Variants in WDR7 observed in about 807,000 individuals in gnomAD.
WDR7 encodes WD repeat-containing protein 7.
A neutral mutation model predicts 169.4 loss-of-function variants in WDR7; 46 were observed. The ratio of observed to expected loss-of-function variants is 0.27; its 90% CI spans 0.21 to 0.35. The LOEUF (loss-of-function observed/expected upper bound fraction) is 0.35. Among genes scored for constraint, WDR7 ranks in the 10% least tolerant of loss-of-function variants. The pLI is 1.00. For missense variants in WDR7, 1,534 were observed against 1,859.3 expected (o/e 0.83, Z 3.22); for synonymous variants, 612 against 666.8 (o/e 0.92, Z 1.27).
In WDR7 at chr18:56,736,755, A is replaced by T. The variant is rs540256526; in HGVS notation, c.1989+5158A>T. On this transcript the variant is annotated intron_variant, in intron 14 of 27. Coordinates refer to ENST00000254442, the MANE Select transcript of WDR7 (RefSeq NM_015285.3). ...ACAGTGAGCTGAGTATAAGAAGTGG[A>T]GGTAAAGAGTGTGGAAGAAATTAGC... Among the ~76,000 whole-genome samples, 12 of 152,116 alleles carry T rather than the reference A, an allele frequency of 7.9e-5. No individual in the cohort carries two copies. In the South Asian group the frequency reaches 1.9e-3, roughly 24 times the overall value.
rs550329177 is a variant in WDR7, at chr18:56,716,529, A to G, written c.1579-1435A>G. 1.5e-3 allele frequency among the ~76,000 whole-genome samples: 229 copies of G among 152,344 alleles called. 1 individual carries two copies. Among genetic ancestry groups the G allele is most frequent in the African/African-American group, 5.3e-3 (222 of 41,580 alleles). ...CAAACATTGATTTTAGGTTGTTTAC[A>G]AAAGTAAACATTATGCTAGTAAGAT... On this transcript the variant is annotated intron_variant, in intron 12 of 27. Coordinates refer to ENST00000254442, the MANE Select transcript of WDR7 (RefSeq NM_015285.3).
intron 14 of WDR7, among the ~76,000 whole-genome samples, chr18:56,734,096 C>A (rs1271241419): frequency 6.6e-6 from 1 of 152,126 alleles, no homozygotes; most frequent in Non-Finnish European, 1.5e-5. Context: ...GTGGAGCATT[C>A]ATTAGTAACT....
chr18:56,737,643 G>T (rs908004018), intron 14 of WDR7, among the ~76,000 whole-genome samples: 2 of 152,184 alleles, frequency 1.3e-5, no homozygotes, highest in Admixed American at 6.5e-5. Context: ...CGAGGCAAGA[G>T]AATGGAATTT....
Position 56,718,018 on chromosome 18 carries a change from C to G in WDR7, c.1633C>G (p.Leu545Val). ...SVASDHSVGLLSLREKKCIML... is the reference protein window; with the variant it reads ...SVASDHSVGLVSLREKKCIML... ...AGCCAGTGACCACTCAGTAGGACTTCTAAGTTTGCGAGAGAAAAAATGCAT... is the reference window on the plus strand; with the variant it reads ...AGCCAGTGACCACTCAGTAGGACTTGTAAGTTTGCGAGAGAAAAAATGCAT... The change falls in exon 13 of 28, where the codon CTA (leucine) becomes GTA (valine). Residue 545 changes from leucine to valine, a missense_variant. By Grantham distance (32) the Leu-to-Val change is conservative (BLOSUM62 1). Transcript: ENST00000254442. 6.2e-7 allele frequency: 1 copy of G among 1,614,102 alleles called. No individual in the cohort carries two copies. The highest frequency in any genetic ancestry group is 1.1e-5 in the South Asian group (1 of 91,084).
chr18:56,705,896 G>T (rs2025940548), intron 12 of WDR7, among the ~76,000 whole-genome samples: 1 of 152,164 alleles, frequency 6.6e-6, no homozygotes, highest in African/African-American at 2.4e-5. Context: ...TACTCGGGAG[G>T]CTGAGGCAGG....
intron 20 of WDR7, among the ~76,000 whole-genome samples, chr18:56,860,643 G>C (rs536997818): frequency 1.3e-5 from 2 of 152,238 alleles, no homozygotes; most frequent in East Asian, 3.9e-4. Flanking sequence ...TGCAGTTTAG[G>C]AATATAATAA....
At chr18:56,763,473 T>C (rs2044012698) in intron 16 of WDR7, among the ~76,000 whole-genome samples, 1 of 152,252 alleles carries the variant, frequency 6.6e-6, no homozygotes, top group African/African-American at 2.4e-5. Flanking sequence ...ACCAATTTTA[T>C]AGTTTGTTAG....
Position 57,028,968 on chromosome 18 carries a change from A to G in WDR7, c.*1761A>G, listed in dbSNP as rs2048407884. 6.5e-6 allele frequency: 1 copy of G among 152,682 alleles called. No homozygotes were observed. Among genetic ancestry groups the G allele is most frequent in the Non-Finnish European group, 1.5e-5 (1 of 68,060 alleles). The allele number at this position is 152,682 out of a possible 1,614,324, so 9.5% of individuals were successfully genotyped here. On this transcript the variant is annotated 3_prime_UTR_variant, in exon 28 of 28. Transcript: ENST00000254442. The stretch of plus-strand genomic sequence containing the variant: ...TGGTGAACGTGCTGTTGTGTTTGGC[A>G]TAGCTAGAGAAATGTAAGGTAAAAG...
intron 16 of WDR7, among the ~76,000 whole-genome samples, chr18:56,771,524 C>G (rs1422273409): frequency 6.6e-6 from 1 of 151,318 alleles, no homozygotes; most frequent in Non-Finnish European, 1.5e-5. Flanking sequence ...GAGTTTGAGA[C>G]CAGCCTGGGT....
intron 19 of WDR7, among the ~76,000 whole-genome samples, chr18:56,786,659 A>G (rs548378332): frequency 6.6e-6 from 1 of 152,240 alleles, no homozygotes; most frequent in South Asian, 2.1e-4. Flanking sequence ...CTTTAAAAAT[A>G]TCGTGAGTAT....
chr18:56,772,730 A>C (rs2044183812), intron 16 of WDR7, among the ~76,000 whole-genome samples: 1 of 150,970 alleles, frequency 6.6e-6, no homozygotes, highest in South Asian at 2.1e-4. Context: ...ATCTAAAATA[A>C]TATATAGATA....
intron 20 of WDR7, among the ~76,000 whole-genome samples, chr18:56,875,518 G>T (rs2046010601): frequency 6.6e-6 from 1 of 152,132 alleles, no homozygotes; most frequent in Non-Finnish European, 1.5e-5. Context: ...ATGTGCATAT[G>T]ACCTACAGAA....
intron 21 of WDR7, among the ~76,000 whole-genome samples, chr18:56,895,763 C>T (rs932368064): frequency 1.3e-5 from 2 of 151,414 alleles, no homozygotes; most frequent in Non-Finnish European, 3.0e-5. Flanking sequence ...AATATACTAC[C>T]GAGGGAACTA....
At chr18:56,721,155 C>G (rs1372853426) in intron 13 of WDR7, among the ~76,000 whole-genome samples, 1 of 152,014 alleles carries the variant, frequency 6.6e-6, no homozygotes, top group African/African-American at 2.4e-5. Flanking sequence ...GTTAGTGTTT[C>G]AGGAATGTAT....
At chr18:56,684,677 G>A (rs1410892320) in intron 5 of WDR7, among the ~76,000 whole-genome samples, 1 of 152,174 alleles carries the variant, frequency 6.6e-6, no homozygotes, top group African/African-American at 2.4e-5. Context: ...GGATGCACTG[G>A]CTTCATTTCC....
intron 26 of WDR7, among the ~76,000 whole-genome samples, chr18:56,976,589 C>A (rs984864937): frequency 6.6e-6 from 1 of 152,176 alleles, no homozygotes; most frequent in African/African-American, 2.4e-5. Context: ...TTTGCTTATT[C>A]GGCATCTCAG....
At chr18:56,652,385 G>A (rs1372184468) in intron 1 of WDR7, among the ~76,000 whole-genome samples, 1 of 152,140 alleles carries the variant, frequency 6.6e-6, no homozygotes, top group Non-Finnish European at 1.5e-5. Flanking sequence ...ACTCTTTCAG[G>A]TGTTTATGTC....
At position 56,971,317 on chromosome 18, in the gene WDR7, G is replaced by A. The variant is rs544127454; in HGVS notation, c.4164+8788G>A. Among the ~76,000 whole-genome samples, 484 of 149,424 alleles carry A rather than the reference G, an allele frequency of 3.2e-3. 1 individual carries two copies. The highest frequency in any genetic ancestry group is 5.6e-3 in the Non-Finnish European group (376 of 67,554). ...AAAAAAAGGAACACCCCCACTATTG[G>A]CCTGTTTTGCCTCCTGTATTTGTCA... is the stretch of plus-strand genomic sequence containing the variant. On this transcript the variant is annotated intron_variant, in intron 26 of 27. Transcript: ENST00000254442.
chr18:56,678,638 A>G (rs768616891), intron 2 of WDR7, among the ~76,000 whole-genome samples: 1 of 152,126 alleles, frequency 6.6e-6, no homozygotes, highest in Non-Finnish European at 1.5e-5. Flanking sequence ...CTGGAATTAC[A>G]GGTGCGCGCC....
Sources: gnomAD v4.1 joint callset for allele counts (sites outside exome capture counted in the v4.1 genomes callset) on GRCh38, gnomAD v4.1.1 for gene constraint, MANE v1.5 for transcripts, NCBI Gene and HGNC (gene_info 2026-07-23, HGNC 2026-07-21) for gene names.